Variants in LMNA observed in about 807,000 individuals in gnomAD.
LMNA encodes the protein lamin A/C, also known as lamin.
In LMNA, 20 loss-of-function variants were observed where a neutral mutation model predicts 70.4. The observed-to-expected ratio is 0.28, with a 90% confidence interval of 0.20 to 0.41. The LOEUF (loss-of-function observed/expected upper bound fraction) is 0.41. Among genes scored for constraint, LMNA ranks in the 10% least tolerant of loss-of-function variants. The pLI, the probability that LMNA is intolerant of heterozygous loss-of-function variation, is 1.00. For missense variants in LMNA, 652 were observed against 917.2 expected (o/e 0.71, Z 3.73); for synonymous variants, 339 against 372.8 (o/e 0.91, Z 1.04).
intron 1 of LMNA, among the ~76,000 whole-genome samples, chr1:156,130,255 G>A (rs958856908): frequency 2.6e-5 from 4 of 152,112 alleles, no homozygotes; most frequent in Admixed American, 2.0e-4. Flanking sequence ...GCTAAGTAAG[G>A]CCCTGTGTGG....
In LMNA at chr1:156,093,298, A is replaced by AGTTTT. The variant is rs1399858052; in HGVS notation, c.-207+2716_-207+2717insGTTTT. ...TCTTGCAGGACTCAATTTATATGTCAATTTTTTTTTTTTTTTTTTTTTTTT... is the reference window on the plus strand; with the variant it reads ...TCTTGCAGGACTCAATTTATATGTCAGTTTTATTTTTTTTTTTTTTTTTTTTTTTT... On this transcript the variant is annotated intron_variant, in intron 3 of 12. Coordinates refer to the LMNA transcript ENST00000368301. Among the ~76,000 whole-genome samples the AGTTTT allele has an allele frequency of 2.9e-5, 4 of 137,222 alleles. 1 individual carries two copies. The highest frequency in any genetic ancestry group is 3.1e-5 in the Non-Finnish European group (2 of 64,610). 90.0% of individuals were successfully genotyped at this position (137,222 alleles called of 152,430 possible).
chr1:156,112,551 G>A (rs1649578771), upstream of LMNA, among the ~76,000 whole-genome samples: 1 of 152,202 alleles, frequency 6.6e-6, no homozygotes. Flanking sequence ...CGTTTCACTG[G>A]CTTACCCCTC....
intron 3 of LMNA, among the ~76,000 whole-genome samples, chr1:156,104,423 T>A (rs1649250263): frequency 1.3e-5 from 2 of 152,120 alleles, no homozygotes; most frequent in Admixed American, 1.3e-4. Flanking sequence ...CTCCTCAATT[T>A]ATGAGTCTCC....
At chr1:156,083,717 T>A (rs1648364769) in intron 2 of LMNA, 1 of 152,094 alleles carries the variant, frequency 6.6e-6, no homozygotes, top group South Asian at 2.1e-4. Flanking sequence ...ACAGGAGAAT[T>A]GCTTGAACCC....
At chr1:156,128,540 C>T (rs1008699991) in intron 1 of LMNA, among the ~76,000 whole-genome samples, 12 of 152,334 alleles carry the variant, frequency 7.9e-5, no homozygotes, top group South Asian at 2.1e-4. Context: ...GTCAGGGAAA[C>T]GCTTTGTGCC....
At chr1:156,089,284 A>G (rs1009911994) in intron 2 of LMNA, among the ~76,000 whole-genome samples, 26 of 150,190 alleles carry the variant, frequency 1.7e-4, no homozygotes, top group African/African-American at 6.0e-4. Flanking sequence ...ACCCTTGTTT[A>G]TTTATTTATT....
intron 3 of LMNA, among the ~76,000 whole-genome samples, chr1:156,094,853 G>A (rs1281013706): frequency 6.6e-6 from 1 of 151,722 alleles, no homozygotes; most frequent in Non-Finnish European, 1.5e-5. Context: ...TCCGCCTCCT[G>A]GGTTCAAGTG....
At chr1:156,084,569 G>A (rs1648411949) in intron 2 of LMNA, among the ~76,000 whole-genome samples, 1 of 152,276 alleles carries the variant, frequency 6.6e-6, no homozygotes, top group African/African-American at 2.4e-5. Context: ...TGGAGAGTGG[G>A]CTATTTCTGC....
In LMNA at chr1:156,136,083, C is replaced by T. The variant is rs1340894696; in HGVS notation, c.1119C>T (p.Ile373=). ...TCAAGCTGGCCCTGGACATGGAGATCCACGCCTACCGCAAGCTCTTGGAGG... is the reference window on the plus strand; with the variant it reads ...TCAAGCTGGCCCTGGACATGGAGATTCACGCCTACCGCAAGCTCTTGGAGG... The part of the protein sequence containing the change: ...LDIKLALDME[I]HAYRKLLEGE... The change falls in exon 6 of 12, where the codon ATC becomes ATT. Residue 373 remains isoleucine, a synonymous_variant. Transcript: ENST00000368300. This position sits in a 1 kb window ranked among gnomAD's most constrained non-coding sequence, Gnocchi z 6.1. The T allele has an allele frequency of 6.2e-7, 1 of 1,614,094 alleles. No homozygotes were observed. The highest frequency in any genetic ancestry group is 1.7e-5 in the Admixed American group (1 of 60,026).
chr1:156,101,200 G>A (rs1025225950), intron 3 of LMNA, among the ~76,000 whole-genome samples: 6 of 152,138 alleles, frequency 3.9e-5, no homozygotes, highest in Non-Finnish European at 7.4e-5. Context: ...TGAAAAGATC[G>A]CTGTGGGCTG....
chr1:156,083,810 C>A (rs1648369754), intron 2 of LMNA, among the ~76,000 whole-genome samples: 2 of 151,142 alleles, frequency 1.3e-5, no homozygotes, highest in South Asian at 2.1e-4. Context: ...AACAAACAAA[C>A]AAAAAAACCC....
At chr1:156,126,907 G>T (rs41302091) in intron 1 of LMNA, 4 of 1,604,226 alleles carry the variant, frequency 2.5e-6, no homozygotes, top group African/African-American at 2.7e-5. Flanking sequence ...CGAAGCCAGG[G>T]TCTCCCCTGT....
rs755035880 is a variant in LMNA at position 156,136,755 on chromosome 1, A to G, written c.1381-166A>G. The stretch of plus-strand genomic sequence containing the variant: ...TGTGCCTGGTGCTGCGTATGTGTCC[A>G]CAGATCATGGCTATTATCCCCGGGG... On this transcript the variant is annotated intron_variant, in intron 7 of 11. Transcript: ENST00000368300. The surrounding 1 kb of genome is among the most constrained non-coding windows in gnomAD (Gnocchi z 6.1). 277 of 718,950 alleles carry G rather than the reference A, an allele frequency of 3.9e-4. No homozygotes were observed. The highest frequency in any genetic ancestry group is 6.0e-4 in the Non-Finnish European group (242 of 401,262). 44.5% of individuals were successfully genotyped at this position (718,950 alleles called of 1,614,324 possible).
chr1:156,130,363 G>A (rs1403318617), intron 1 of LMNA, among the ~76,000 whole-genome samples: 2 of 152,114 alleles, frequency 1.3e-5, no homozygotes, highest in Non-Finnish European at 2.9e-5. Context: ...CTCTGCCCTT[G>A]GCCCCAGGCA....
At chr1:156,100,087 C>T (rs555539223) in intron 3 of LMNA, among the ~76,000 whole-genome samples, 1 of 152,116 alleles carries the variant, frequency 6.6e-6, no homozygotes, top group Non-Finnish European at 1.5e-5. Context: ...GACCCCTCTG[C>T]ATAGCCCTGG....
intron 2 of LMNA, among the ~76,000 whole-genome samples, chr1:156,132,119 T>C (rs984638539): frequency 6.6e-6 from 1 of 152,082 alleles, no homozygotes; most frequent in Non-Finnish European, 1.5e-5. Flanking sequence ...TGTGGTGAAC[T>C]GAGATTGCAC....
At position 156,137,138 on chromosome 1, in the gene LMNA, C is replaced by T; in HGVS notation, c.1514C>T (p.Thr505Ile). ...VTIWAAGAGA[T>I]HSPPTDLVWK... The stretch of plus-strand genomic sequence containing the variant: ...ATCTGGGCTGCAGGAGCTGGGGCCA[C>T]CCACAGCCCCCCTACCGACCTGGTG... The change falls in exon 9 of 12, where the codon ACC (threonine) becomes ATC (isoleucine). Residue 505 changes from threonine to isoleucine, a missense_variant. Physicochemically the swap from Thr to Ile is moderately conservative, Grantham distance 89. Coordinates refer to ENST00000368300, the MANE Select transcript of LMNA (RefSeq NM_170707.4). The surrounding 1 kb of genome is among the most constrained non-coding windows in gnomAD (Gnocchi z 4.6). 3 of 1,613,612 alleles carry T rather than the reference C, an allele frequency of 1.9e-6. No homozygotes were observed. Among genetic ancestry groups the T allele is most frequent in the Non-Finnish European group, 2.5e-6 (3 of 1,179,796 alleles).
At chr1:156,127,796 C>G (rs1650724806) in intron 1 of LMNA, among the ~76,000 whole-genome samples, 2 of 151,918 alleles carry the variant, frequency 1.3e-5, no homozygotes, top group Admixed American at 1.3e-4. Context: ...AAGCAATTCT[C>G]GTGTCTCAGC....
At position 156,126,115 on chromosome 1, in the gene LMNA, A is replaced by C. The variant is rs1193648644; in HGVS notation, c.357-4502A>C. The stretch of plus-strand genomic sequence containing the variant: ...GCGGACTCCCTGTACCCACCCGGCC[A>C]CAGGGGGCGATGTTCCTGGGAGACA... On this transcript the variant is annotated intron_variant, in intron 1 of 11. Coordinates refer to ENST00000368300, the MANE Select transcript of LMNA (RefSeq NM_170707.4). The C allele has an allele frequency of 4.8e-6, 7 of 1,462,078 alleles. No individual in the cohort carries two copies. The East Asian group carries it at 1.9e-4, about 39-fold the overall frequency. 90.6% of individuals were successfully genotyped at this position (1,462,078 alleles called of 1,614,324 possible).
Sources: allele counts gnomAD v4.1 joint callset (sites outside exome capture counted in the v4.1 genomes callset), GRCh38; gene constraint gnomAD v4.1.1; non-coding constraint Gnocchi (gnomAD v3.1); transcripts MANE v1.5; gene names NCBI Gene and HGNC (gene_info 2026-07-23, HGNC 2026-07-21).